VPS50: variants seen among roughly 807,000 people sequenced by gnomAD.
VPS50 encodes VPS50 subunit of EARP/GARPII complex, also known as syndetin.
A neutral mutation model predicts 139.7 loss-of-function variants in VPS50; 70 were observed. That is an observed-to-expected ratio of 0.50 (90% CI 0.41 to 0.61). The LOEUF (loss-of-function observed/expected upper bound fraction) is 0.61, where lower values mean the gene tolerates loss of function less well. Ranked by LOEUF, VPS50 falls within the 20% of genes least tolerant of loss-of-function variation. The pLI is 0.00. For missense variants in VPS50, 921 were observed against 1,133.7 expected (o/e 0.81, Z 2.69); for synonymous variants, 365 against 376.7 (o/e 0.97, Z 0.36).
Position 93,276,214 on chromosome 7 carries a change from C to A in VPS50, c.851C>A (p.Thr284Asn), listed in dbSNP as rs765210664. The A allele has an allele frequency of 2.5e-6, 4 of 1,613,380 alleles. No individual in the cohort carries two copies. In the South Asian group the frequency reaches 4.4e-5, roughly 18 times the overall value. Residue 284 changes from threonine to asparagine, a missense_variant, in exon 12 of 28, where the codon ACC becomes AAC. Around this residue, in one of 3 missense-constraint regions of VPS50, gnomAD observed 744 missense variants for 930.6 expected, o/e 0.80. Coordinates refer to ENST00000305866, the MANE Select transcript of VPS50 (RefSeq NM_017667.4). ...CACTTCACCCAAGCCATTCACAACA[C>A]CGTGTTTCAAGTTGTTCTTGGTTAT... Reference protein sequence around the residue: ...HMHFTQAIHNTVFQVVLGYVE... With the variant: ...HMHFTQAIHNNVFQVVLGYVE...
At chr7:93,296,599 G>T (rs1796818147) in intron 14 of VPS50, 143 bp from the exon 15 acceptor site, 1 of 1,402,098 alleles carries the variant, frequency 7.1e-7, no homozygotes, top group African/African-American at 1.5e-5. Flanking sequence ...AAGGATGTTG[G>T]CTATTGGCCT....
chr7:93,300,417 C>T (rs1353115960), intron 16 of VPS50, among the ~76,000 whole-genome samples: 1 of 152,026 alleles, frequency 6.6e-6, no homozygotes, highest in East Asian at 1.9e-4. Flanking sequence ...ACAGACTAGT[C>T]ATTTTCTCAA....
chr7:93,250,875 G>A (rs1795303046), intron 2 of VPS50, among the ~76,000 whole-genome samples: 1 of 152,108 alleles, frequency 6.6e-6, no homozygotes, highest in Admixed American at 6.5e-5. Flanking sequence ...CAAAAAGTGG[G>A]TGAGGGATAT....
intron 23 of VPS50, among the ~76,000 whole-genome samples, chr7:93,344,816 C>T (rs1433892125): frequency 3.9e-5 from 6 of 151,966 alleles, no homozygotes; most frequent in African/African-American, 1.5e-4. Context: ...ATCTCTGGGA[C>T]ACATTCAAAG....
chr7:93,264,562 C>T (rs988717067), intron 9 of VPS50, among the ~76,000 whole-genome samples: 1 of 152,108 alleles, frequency 6.6e-6, no homozygotes, highest in Non-Finnish European at 1.5e-5. Context: ...GAGTACTGTA[C>T]TTTAACATAA....
At chr7:93,350,074 C>T in intron 25 of VPS50, 41 bp downstream of exon 25, 1 of 1,440,960 alleles carries the variant, frequency 6.9e-7, no homozygotes. Context: ...GATCAATCTA[C>T]TAAGAGAAGT....
intron 20 of VPS50, among the ~76,000 whole-genome samples, chr7:93,322,337 C>T (rs1002703363): frequency 1.3e-5 from 2 of 151,896 alleles, no homozygotes; most frequent in African/African-American, 2.4e-5. Context: ...CGGTGGCTCA[C>T]GCCTGTAATC....
rs544221079 is a variant in VPS50, at chr7:93,275,225, C to T, written c.802-940C>T. Among the ~76,000 whole-genome samples, 4 of 152,268 alleles carry T rather than the reference C, an allele frequency of 2.6e-5. 1 individual carries two copies. The highest frequency in any genetic ancestry group is 2.6e-4 in the Admixed American group (4 of 15,288). Reference sequence around the variant, plus strand: ...TAACAAGAAATAATTTGGGATATTACATAAACTTAGTTGATAAAGCAGCAG... The same window carrying T: ...TAACAAGAAATAATTTGGGATATTATATAAACTTAGTTGATAAAGCAGCAG... On this transcript the variant is annotated intron_variant, in intron 11 of 27. Transcript: ENST00000305866.
intron 11 of VPS50, among the ~76,000 whole-genome samples, chr7:93,274,356 T>C (rs1407593911): frequency 1.3e-5 from 2 of 152,106 alleles, no homozygotes; most frequent in East Asian, 1.9e-4. Flanking sequence ...GGCTAAGGCA[T>C]GTGAAGACTT....
rs61672341 is a variant in VPS50 at position 93,304,225 on chromosome 7, G to C, written c.1452+675G>C. Reference sequence around the variant, plus strand: ...TGTCAAAATGCAGTGCATATAGTTAGATCCTTGTTCAGAAAGTATGGTGTG... The same window carrying C: ...TGTCAAAATGCAGTGCATATAGTTACATCCTTGTTCAGAAAGTATGGTGTG... On this transcript the variant is annotated intron_variant, in intron 17 of 27. Transcript: ENST00000305866. 6.9e-3 allele frequency among the ~76,000 whole-genome samples: 1,041 copies of C among 151,932 alleles called. 9 individuals carry two copies. Among genetic ancestry groups the C allele is most frequent in the African/African-American group, 0.024 (980 of 41,538 alleles).
intron 20 of VPS50, 52 bp downstream of exon 20, chr7:93,311,324 C>T (rs747881181): frequency 2.4e-6 from 2 of 826,800 alleles, no homozygotes; most frequent in East Asian, 2.4e-5. Context: ...TAGTTTGTTA[C>T]CGAATGACTT....
At chr7:93,272,775 A>C in intron 11 of VPS50, 42 bp downstream of exon 11, 2 of 916,114 alleles carry the variant, frequency 2.2e-6, no homozygotes, top group Non-Finnish European at 1.7e-6. Flanking sequence ...TTAATCAGGA[A>C]TTTGTTGTCC....
intron 2 of VPS50, among the ~76,000 whole-genome samples, chr7:93,242,304 A>G (rs1425061627): frequency 6.6e-6 from 1 of 151,834 alleles, no homozygotes. Context: ...AGGCGATTAC[A>G]GATTATAATA....
chr7:93,340,776 G>T (rs10232134), intron 22 of VPS50: 2 of 152,342 alleles, frequency 1.3e-5, no homozygotes, highest in East Asian at 3.9e-4. Context: ...CCACAAATTA[G>T]ACTGCATCAC....
intron 2 of VPS50, among the ~76,000 whole-genome samples, chr7:93,249,776 G>A (rs1432708957): frequency 1.3e-5 from 2 of 152,120 alleles, no homozygotes; most frequent in East Asian, 3.9e-4. Context: ...GACTTTTAGG[G>A]AAAGAGATTT....
At chr7:93,263,897 A>G (rs1795762512) in intron 9 of VPS50, among the ~76,000 whole-genome samples, 1 of 152,220 alleles carries the variant, frequency 6.6e-6, no homozygotes, top group Non-Finnish European at 1.5e-5. Flanking sequence ...CAATGCAATC[A>G]TAAAAATAAT....
intron 23 of VPS50, among the ~76,000 whole-genome samples, chr7:93,346,773 T>G (rs1488691204): frequency 7.3e-6 from 1 of 137,514 alleles, no homozygotes; most frequent in Non-Finnish European, 1.5e-5. Flanking sequence ...GCTAGCCATA[T>G]GTAGAAAGCT....
chr7:93,253,061 T>A (rs1795382878), intron 3 of VPS50, among the ~76,000 whole-genome samples: 1 of 152,232 alleles, frequency 6.6e-6, no homozygotes, highest in Non-Finnish European at 1.5e-5. Flanking sequence ...TTTTATAGTA[T>A]CTATGTTTAG....
chr7:93,342,860 G>C (rs529206360), intron 23 of VPS50, among the ~76,000 whole-genome samples: 1 of 152,214 alleles, frequency 6.6e-6, no homozygotes, highest in East Asian at 1.9e-4. Context: ...ACCAAAAGTA[G>C]ATAAAACCAC....
Sources: gnomAD v4.1 joint callset for allele counts (sites outside exome capture counted in the v4.1 genomes callset) on GRCh38, gnomAD v4.1.1 for gene constraint, gnomAD v4.1.1 regional missense constraint, MANE v1.5 for transcripts, NCBI Gene and HGNC (gene_info 2026-07-23, HGNC 2026-07-21) for gene names.